Variants in PTPRG observed in about 807,000 individuals in gnomAD.
The protein encoded by PTPRG is receptor-type tyrosine-protein phosphatase gamma.
In PTPRG, 102 loss-of-function variants were observed where a neutral mutation model predicts 165.3. The observed-to-expected ratio is 0.62, with a 90% confidence interval of 0.53 to 0.73. The LOEUF is 0.73. PTPRG is among the 30% of genes least tolerant of loss of function. PTPRG has a pLI of 0.00. For synonymous variants in PTPRG, 675 were observed against 669.5 expected, an observed-to-expected ratio of 1.01 and a Z score of -0.13; for missense variants, 1,866 against 1,861.4, an observed-to-expected ratio of 1.00 and a Z score of -0.05.
At chr3:61,715,989 G>A (rs1345210816) in intron 1 of PTPRG, among the ~76,000 whole-genome samples, 1 of 152,094 alleles carries the variant, frequency 6.6e-6, no homozygotes, top group Non-Finnish European at 1.5e-5. Flanking sequence ...GACATAAGAG[G>A]AGCATAATGA....
intron 1 of PTPRG, among the ~76,000 whole-genome samples, chr3:61,667,614 G>A (rs1702845714): frequency 6.6e-6 from 1 of 152,070 alleles, no homozygotes; most frequent in Admixed American, 6.5e-5. Context: ...GGAAACTAAA[G>A]CAAGGCAAAG....
intron 2 of PTPRG, among the ~76,000 whole-genome samples, chr3:61,916,183 A>G (rs1241986900): frequency 1.3e-5 from 2 of 152,206 alleles, no homozygotes; most frequent in Non-Finnish European, 2.9e-5. Context: ...TTGAGCCTAA[A>G]CATTAAAAGT....
chr3:62,292,595 A>G (rs760974310), intron 29 of PTPRG, 39 bp downstream of exon 29: 1 of 1,599,838 alleles, frequency 6.3e-7, no homozygotes, highest in African/African-American at 1.3e-5. Context: ...GTACTACATC[A>G]GTTGAAACTC....
chr3:61,989,561 G>T, intron 2 of PTPRG, 64 bp from the exon 3 acceptor site: 1 of 1,504,626 alleles, frequency 6.6e-7, no homozygotes, highest in Non-Finnish European at 9.0e-7. Flanking sequence ...AGCTTCCTAA[G>T]ATTTATTCAT....
chr3:62,267,346 T>C, intron 17 of PTPRG, 64 bp from the exon 18 acceptor site: 7 of 1,255,800 alleles, frequency 5.6e-6, no homozygotes, highest in Non-Finnish European at 8.0e-6. Flanking sequence ...GTGTTGTGCT[T>C]TAGAATGGTG....
intron 14 of PTPRG, among the ~76,000 whole-genome samples, chr3:62,235,098 C>T (rs1358239704): frequency 1.3e-5 from 2 of 152,038 alleles, no homozygotes; most frequent in African/African-American, 4.8e-5. Flanking sequence ...AGGCTTTTAC[C>T]CAGACATTTT....
chr3:62,196,707 G>C (rs1011292966), intron 10 of PTPRG, among the ~76,000 whole-genome samples: 2 of 152,142 alleles, frequency 1.3e-5, no homozygotes, highest in African/African-American at 4.8e-5. Flanking sequence ...TGACTTCTCA[G>C]GTCCTCAGTT....
At chr3:62,102,768 G>C (rs2106831303) in intron 5 of PTPRG, among the ~76,000 whole-genome samples, 1 of 152,288 alleles carries the variant, frequency 6.6e-6, no homozygotes, top group African/African-American at 2.4e-5. Context: ...CTTCTGATTT[G>C]TAAGCTTTGT....
At chr3:62,201,084 C>T (rs1020862885) in intron 10 of PTPRG, among the ~76,000 whole-genome samples, 16 of 152,210 alleles carry the variant, frequency 1.1e-4, no homozygotes, top group Middle Eastern at 3.4e-3. Context: ...ACAGGTACAC[C>T]TTTTCTCTAG....
At chr3:61,779,448 C>G (rs1454250888) in intron 2 of PTPRG, among the ~76,000 whole-genome samples, 1 of 152,130 alleles carries the variant, frequency 6.6e-6, no homozygotes, top group African/African-American at 2.4e-5. Flanking sequence ...GGCTTGGTGC[C>G]TGGCACTGTA....
intron 4 of PTPRG, among the ~76,000 whole-genome samples, chr3:62,037,836 CTCT>C (rs144577248): frequency 6.6e-6 from 1 of 152,256 alleles, no homozygotes; most frequent in African/African-American, 2.4e-5. Flanking sequence ...TCTTTGCTGT[CTCT>C]TCTTATAAAG....
At chr3:61,608,186 TTC>T in intron 1 of PTPRG, among the ~76,000 whole-genome samples, 1 of 135,192 alleles carries the variant, frequency 7.4e-6, no homozygotes, top group Admixed American at 7.7e-5. Context: ...ATCTTCCTTC[TTC>T]GTACAGAGCC....
chr3:62,114,880 T>G lies in PTPRG; in HGVS notation c.616-17722T>G, dbSNP rs11914498. ...GTCTTGAACTCCTGGCCTCAAGCAA[T>G]CCTCCCATCTCAGCCTCCCAGTGTG... On this transcript the variant is annotated intron_variant, in intron 5 of 29. Transcript: ENST00000474889. Among the ~76,000 whole-genome samples the G allele has an allele frequency of 3.0e-3, 453 of 152,214 alleles. 4 individuals are homozygous for G. Among genetic ancestry groups the G allele is most frequent in the African/African-American group, 9.9e-3 (411 of 41,530 alleles).
intron 6 of PTPRG, among the ~76,000 whole-genome samples, chr3:62,137,616 G>A (rs1250214262): frequency 6.6e-6 from 1 of 152,156 alleles, no homozygotes; most frequent in African/African-American, 2.4e-5. Flanking sequence ...CCAGGATTCA[G>A]AAAGCTGTAG....
At chr3:61,944,107 TTTG>T (rs982305748) in intron 2 of PTPRG, among the ~76,000 whole-genome samples, 2 of 152,254 alleles carry the variant, frequency 1.3e-5, no homozygotes, top group African/African-American at 2.4e-5. Flanking sequence ...GAGCTCATTT[TTTG>T]TTGTTGTTGT....
chr3:61,799,122 C>A (rs971128405), intron 2 of PTPRG, among the ~76,000 whole-genome samples: 1 of 151,876 alleles, frequency 6.6e-6, no homozygotes, highest in Admixed American at 6.6e-5. Flanking sequence ...CATGAATTAT[C>A]TCTTACAGGA....
intron 2 of PTPRG, among the ~76,000 whole-genome samples, chr3:61,959,952 TCTC>T (rs756633684): frequency 6.6e-5 from 10 of 152,110 alleles, no homozygotes; most frequent in Admixed American, 3.3e-4. Flanking sequence ...ATCGTTGTCT[TCTC>T]CTCTGCAGCT....
intron 1 of PTPRG, among the ~76,000 whole-genome samples, chr3:61,656,625 A>G (rs1057489688): frequency 2.0e-5 from 3 of 152,130 alleles, no homozygotes; most frequent in African/African-American, 4.8e-5. Context: ...GCATTCTAAC[A>G]GTTCATTTAC....
At chr3:62,201,367 A>G in intron 10 of PTPRG, 138 bp from the exon 11 acceptor site, 1 of 686,616 alleles carries the variant, frequency 1.5e-6, no homozygotes, top group Non-Finnish European at 2.2e-6. Context: ...TATATTTTTA[A>G]ATGGTTGGAA....
Sources: allele counts gnomAD v4.1 joint callset (sites outside exome capture counted in the v4.1 genomes callset), GRCh38; gene constraint gnomAD v4.1.1; transcripts MANE v1.5; gene names NCBI Gene and HGNC (gene_info 2026-07-23, HGNC 2026-07-21).